Variants in MOSMO observed in about 807,000 individuals in gnomAD.
The protein encoded by MOSMO is modulator of smoothened, also known as modulator of smoothened protein.
Under a neutral mutation model 18.4 loss-of-function variants are expected in MOSMO, and 5 were observed. The ratio of observed to expected loss-of-function variants is 0.27; its 90% CI spans 0.14 to 0.57. The LOEUF (loss-of-function observed/expected upper bound fraction) is 0.57, where lower values mean the gene tolerates loss of function less well. Among genes scored for constraint, MOSMO ranks in the 20% least tolerant of loss-of-function variants. The pLI, the probability that MOSMO is intolerant of heterozygous loss-of-function variation, is 0.92. For synonymous variants in MOSMO, 82 were observed against 82.3 expected, an observed-to-expected ratio of 1.00 and a Z score of 0.02; for missense variants, 138 against 211.8, an observed-to-expected ratio of 0.65 and a Z score of 2.16.
At chr16:22,021,797 CAA>C (rs1233128599) in intron 1 of MOSMO, among the ~76,000 whole-genome samples, 2 of 145,864 alleles carry the variant, frequency 1.4e-5, no homozygotes, top group East Asian at 4.0e-4. Context: ...GACCCTGTCT[CAA>C]AAAAAAAATA....
At chr16:22,076,802 A>G (rs1422084281) in intron 2 of MOSMO, among the ~76,000 whole-genome samples, 3 of 152,138 alleles carry the variant, frequency 2.0e-5, no homozygotes, top group African/African-American at 4.8e-5. Context: ...TTCTTCCTGT[A>G]TTCTCTGAAA....
At chr16:22,034,233 A>G (rs1246785900) in intron 1 of MOSMO, among the ~76,000 whole-genome samples, 2 of 152,232 alleles carry the variant, frequency 1.3e-5, no homozygotes, top group African/African-American at 4.8e-5. Flanking sequence ...TTTGTTTTGA[A>G]CAAACTGTTG....
intron 1 of MOSMO, among the ~76,000 whole-genome samples, chr16:22,058,452 C>G (rs1048569508): frequency 6.8e-6 from 1 of 147,082 alleles, no homozygotes; most frequent in African/African-American, 2.5e-5. Flanking sequence ...AAGAAAGAAA[C>G]AATTGCTTTG....
At chr16:22,086,440 T>C (rs1901180238), downstream of MOSMO, among the ~76,000 whole-genome samples, 1 of 152,178 alleles carries the variant, frequency 6.6e-6, no homozygotes, top group Non-Finnish European at 1.5e-5. Flanking sequence ...CCACCTCCTC[T>C]CAGTTTTAAA....
chr16:22,090,738 G>A (rs904227966), downstream of MOSMO, among the ~76,000 whole-genome samples: 1 of 152,184 alleles, frequency 6.6e-6, no homozygotes, highest in Non-Finnish European at 1.5e-5. Flanking sequence ...TGTCTGTTGT[G>A]CTCTGATGCT....
At chr16:22,087,993 A>G (rs989474248), downstream of MOSMO, among the ~76,000 whole-genome samples, 4 of 152,024 alleles carry the variant, frequency 2.6e-5, no homozygotes, top group Non-Finnish European at 4.4e-5. Context: ...CATTTTACTG[A>G]TCAGTTTAAC....
chr16:22,026,282 G>A (rs1899875223), intron 1 of MOSMO, among the ~76,000 whole-genome samples: 1 of 148,950 alleles, frequency 6.7e-6, no homozygotes, highest in Non-Finnish European at 1.5e-5. Flanking sequence ...GCTGTGGTGC[G>A]ATTTTGGCTC....
rs1901114392 is a variant in MOSMO, at chr16:22,083,218, C to T, written c.*2338C>T. ...AAAGTTTCTCAGCTGCTAAGAATTTCCCCACTGTTTACTTCTTTCACTTAT... is the reference window on the plus strand; with the variant it reads ...AAAGTTTCTCAGCTGCTAAGAATTTTCCCACTGTTTACTTCTTTCACTTAT... On this transcript the variant is annotated 3_prime_UTR_variant, in exon 3 of 3. Transcript: ENST00000542527. 1 of 152,194 alleles carries T rather than the reference C, an allele frequency of 6.6e-6. No homozygotes were observed. The highest frequency in any genetic ancestry group is 2.1e-4 in the South Asian group (1 of 4,834). The allele number at this position is 152,194 out of a possible 1,614,324, so 9.4% of individuals were successfully genotyped here.
At chr16:22,071,758 CA>C (rs989828694) in intron 1 of MOSMO, among the ~76,000 whole-genome samples, 1 of 152,112 alleles carries the variant, frequency 6.6e-6, no homozygotes, top group African/African-American at 2.4e-5. Context: ...GAAACAGCTG[CA>C]GGGTACAGAT....
intron 1 of MOSMO, among the ~76,000 whole-genome samples, chr16:22,024,888 G>A (rs561897636): frequency 6.6e-6 from 1 of 152,064 alleles, no homozygotes; most frequent in African/African-American, 2.4e-5. Context: ...CGGTTCATGT[G>A]CCTGTAATCT....
intron 1 of MOSMO, among the ~76,000 whole-genome samples, chr16:22,052,570 A>G (rs1900447866): frequency 1.3e-5 from 2 of 152,204 alleles, no homozygotes; most frequent in Admixed American, 1.3e-4. Flanking sequence ...TCATAGTGCC[A>G]TTTATAAGAA....
chr16:22,013,497 G>A (rs1355140541), intron 1 of MOSMO, among the ~76,000 whole-genome samples: 1 of 151,996 alleles, frequency 6.6e-6, no homozygotes, highest in East Asian at 1.9e-4. Flanking sequence ...GAGACTTTTT[G>A]TCAGGGGGAA....
At chr16:22,092,354 T>C, downstream of MOSMO, 1 of 368,558 alleles carries the variant, frequency 2.7e-6, no homozygotes, top group Non-Finnish European at 5.2e-6. Flanking sequence ...GTCTAAATCC[T>C]GCTTCCAGGT....
intron 1 of MOSMO, among the ~76,000 whole-genome samples, chr16:22,036,320 C>T (rs1900108640): frequency 6.6e-6 from 1 of 152,036 alleles, no homozygotes; most frequent in Non-Finnish European, 1.5e-5. Flanking sequence ...GAGACAGGGT[C>T]TCCTGATATT....
chr16:22,091,293 C>T (rs184888143), downstream of MOSMO, among the ~76,000 whole-genome samples: 10 of 152,286 alleles, frequency 6.6e-5, no homozygotes, highest in East Asian at 1.7e-3. Flanking sequence ...ATTTTGAGCA[C>T]GTTGGTTGTT....
At chr16:22,061,007 C>T (rs62047194) in intron 1 of MOSMO, among the ~76,000 whole-genome samples, 32 of 152,116 alleles carry the variant, frequency 2.1e-4, no homozygotes, top group Non-Finnish European at 4.0e-4. Context: ...AAAATGAAAA[C>T]GGGTCTTTAC....
intron 1 of MOSMO, among the ~76,000 whole-genome samples, chr16:22,032,473 T>C (rs1328539158): frequency 1.3e-5 from 2 of 152,210 alleles, no homozygotes; most frequent in African/African-American, 4.8e-5. Flanking sequence ...ATTACAGGCA[T>C]GAGCCACTGC....
intron 1 of MOSMO, among the ~76,000 whole-genome samples, chr16:22,030,038 C>G (rs1899961884): frequency 6.6e-6 from 1 of 152,216 alleles, no homozygotes; most frequent in Non-Finnish European, 1.5e-5. Context: ...CTTCTCCACT[C>G]TACTCTCCCC....
rs72336979 is a variant in MOSMO at position 22,023,997 on chromosome 16, TTATA to T, written c.106+15606_106+15609del. The stretch of plus-strand genomic sequence containing the variant: ...ATGCTGCTATAGAATTTTGTACAAA[TTATA>T]TATATATATATATATTTTCTTAAGA... On this transcript the variant is annotated intron_variant, in intron 1 of 2. Transcript: ENST00000542527. 6.0e-4 allele frequency among the ~76,000 whole-genome samples: 76 copies of T among 126,360 alleles called. 3 individuals are homozygous for T. The South Asian group carries it at 0.018, about 30-fold the overall frequency. The allele number at this position is 126,360 out of a possible 152,430, so 82.9% of individuals were successfully genotyped here. A position where few individuals can be genotyped will look rare whatever the true frequency, so the allele number is the denominator to read the frequency against.
Sources: gnomAD v4.1 joint callset for allele counts (sites outside exome capture counted in the v4.1 genomes callset) on GRCh38, gnomAD v4.1.1 for gene constraint, MANE v1.5 for transcripts, NCBI Gene and HGNC (gene_info 2026-07-23, HGNC 2026-07-21) for gene names.